The following AOC2 variants were observed in gnomAD, a reference collection of about 807,000 sequenced individuals.
AOC2 encodes the protein amine oxidase [copper-containing] 2.
A neutral mutation model predicts 53.8 loss-of-function variants in AOC2; 57 were observed. The observed-to-expected ratio is 1.06, with a 90% CI of 0.86 to 1.32. The LOEUF is 1.32. Ranked by LOEUF, AOC2 falls within the 40% of genes most tolerant of loss-of-function variation. AOC2 has a pLI of 0.00. For missense variants in AOC2, 1,008 were observed against 957.2 expected, an observed-to-expected ratio of 1.05 and a Z score of -0.70; for synonymous variants, 404 against 399.0, an observed-to-expected ratio of 1.01 and a Z score of -0.15.
chr17:42,850,469 A>C lies in AOC2; in HGVS notation c.*121A>C. ...TTCCCACCCCCTCAATGTTCCTCTC[A>C]CACGAAACCCCCATCAGTCCCTTTG... On this transcript the variant is annotated 3_prime_UTR_variant, in exon 4 of 4. Transcript: ENST00000253799. 6.6e-6 allele frequency: 8 copies of C among 1,206,316 alleles called. No homozygotes were observed. Among genetic ancestry groups the C allele is most frequent in the Non-Finnish European group, 9.1e-6 (8 of 882,764 alleles). The allele number at this position is 1,206,316 out of a possible 1,614,324, so 74.7% of individuals were successfully genotyped here. A position where few individuals can be genotyped will look rare whatever the true frequency, so the allele number is the denominator to read the frequency against.
chr17:42,848,065 CTT>C (rs61450612), intron 1 of AOC2, among the ~76,000 whole-genome samples: 22 of 101,334 alleles, frequency 2.2e-4, no homozygotes, highest in African/African-American at 8.0e-4. Context: ...CATGCCCGGC[CTT>C]TTTTTTTTTT....
At position 42,850,225 on chromosome 17, in the gene AOC2, T is replaced by A; in HGVS notation, c.2148T>A (p.Pro716=). ...FFDEDPSIFS[P]GSVYFEKGQD... is the part of the protein sequence containing the mutation. Reference sequence around the variant, plus strand: ...ATGAGGACCCCTCCATCTTCTCCCCTGGCAGTGTCTACTTTGAGAAGGGCC... The same window carrying A: ...ATGAGGACCCCTCCATCTTCTCCCCAGGCAGTGTCTACTTTGAGAAGGGCC... The change falls in exon 4 of 4, where the codon CCT becomes CCA. Residue 716 remains proline (P), a synonymous_variant. Coordinates refer to ENST00000253799, the MANE Select transcript of AOC2 (RefSeq NM_009590.4). 1 of 1,614,204 alleles carries A rather than the reference T, an allele frequency of 6.2e-7. No individual in the cohort carries two copies.
chr17:42,844,615 T>C lies in AOC2; in HGVS notation c.-12T>C. On this transcript the variant is annotated 5_prime_UTR_variant, in exon 1 of 4. Transcript: ENST00000253799. ...GCTGTTAGAATTCTGATTTCAGCTC[T>C]CAGCATCCACCATGCATCTCAAGAT... The C allele has an allele frequency of 6.3e-7, 1 of 1,594,962 alleles. No homozygotes were observed. Among genetic ancestry groups the C allele is most frequent in the Non-Finnish European group, 8.6e-7 (1 of 1,166,078 alleles).
rs748742531 is a variant in AOC2, at chr17:42,849,711, A to G, written c.1985A>G (p.Asn662Ser). 4.3e-6 allele frequency: 7 copies of G among 1,614,098 alleles called. No individual in the cohort carries two copies. The African/African-American group carries it at 8.0e-5, about 18-fold the overall frequency. The change falls in exon 3 of 4, where the codon AAT becomes AGT. Residue 662 changes from asparagine (N) to serine (S), a missense_variant. Asn to Ser is a conservative substitution (Grantham distance 46, BLOSUM62 1). Transcript: ENST00000253799. ...GTTACCTTTGCTGACTTCATCAACAATGAAACCCTCTTAGGAGAGGTTGGT... is the reference window on the plus strand; with the variant it reads ...GTTACCTTTGCTGACTTCATCAACAGTGAAACCCTCTTAGGAGAGGTTGGT... ...PTVTFADFINNETLLGEDLVA... is the reference protein window; with the variant it reads ...PTVTFADFINSETLLGEDLVA...
In AOC2 at chr17:42,849,624, G is replaced by A; in HGVS notation, c.1898G>A (p.Arg633Lys). 6.2e-7 allele frequency: 1 copy of A among 1,614,258 alleles called. No individual in the cohort carries two copies. ...WGRYQLVVTQRKEEESQSSSI... is the reference protein window; with the variant it reads ...WGRYQLVVTQKKEEESQSSSI... ...AGATACCAGCTTGTGGTGACCCAGA[G>A]AAAGGAGGAGGAGTCACAGAGCAGT... The change falls in exon 3 of 4, where the codon AGA (arginine) becomes AAA (lysine). Residue 633 changes from arginine (R) to lysine (K), a missense_variant. By Grantham distance (26) the Arg-to-Lys change is conservative. Coordinates refer to ENST00000253799, the MANE Select transcript of AOC2 (RefSeq NM_009590.4).
chr17:42,847,083 GTC>G (rs367656847), intron 1 of AOC2, among the ~76,000 whole-genome samples: 3 of 152,232 alleles, frequency 2.0e-5, no homozygotes, highest in African/African-American at 7.2e-5. Flanking sequence ...GCCTGCGTGT[GTC>G]TCTGTGCATG....
chr17:42,849,913 C>T (rs1026706005), intron 3 of AOC2, among the ~76,000 whole-genome samples, 169 bp from the exon 4 acceptor site: 18 of 152,192 alleles, frequency 1.2e-4, no homozygotes, highest in African/African-American at 4.1e-4. Flanking sequence ...GGGACACTGG[C>T]TCCCCCCTCT....
intron 2 of AOC2, 91 bp from the exon 3 acceptor site, chr17:42,849,510 T>C (rs558219103): frequency 5.1e-5 from 82 of 1,598,414 alleles, no homozygotes; most frequent in Non-Finnish European, 6.8e-5. Flanking sequence ...CGGTGGGAAA[T>C]GGTCTCACAC....
Position 42,845,539 on chromosome 17 carries a change from C to T in AOC2, c.913C>T (p.Leu305Phe), listed in dbSNP as rs749213169. Residue 305 changes from leucine (L) to phenylalanine (F), a missense_variant, in exon 1 of 4, where the codon CTT becomes TTT. Coordinates refer to ENST00000253799, the MANE Select transcript of AOC2 (RefSeq NM_009590.4). ...GAGGTCTCGGAACTCTCCAGGTCCT[C>T]TTCCCCCTCTTCAGTTCTCGCCCCA... ...SLRSRNSPGP[L>F]PPLQFSPQGS... The T allele has an allele frequency of 2.5e-6, 4 of 1,614,108 alleles. No homozygotes were observed. In the African/African-American group the frequency reaches 4.0e-5, roughly 16 times the overall value.
Position 42,849,666 on chromosome 17 carries a change from A to G in AOC2, c.1940A>G (p.Asn647Ser). 4 of 1,614,130 alleles carry G rather than the reference A, an allele frequency of 2.5e-6. No homozygotes were observed. The highest frequency in any genetic ancestry group is 2.2e-5 in the South Asian group (2 of 91,088). ...CAGAGCAGTAGCATCTATCACCAGA[A>G]TGACATCTGGACACCCACAGTTACC... ...ESQSSSIYHQ[N>S]DIWTPTVTFA... is the part of the protein sequence containing the mutation. Residue 647 changes from asparagine (N) to serine (S), a missense_variant, in exon 3 of 4, where the codon AAT (asparagine) becomes AGT (serine). By Grantham distance (46) the Asn-to-Ser change is conservative. Transcript: ENST00000253799.
At chr17:42,848,502 G>A (rs2055615367) in intron 1 of AOC2, among the ~76,000 whole-genome samples, 1 of 144,674 alleles carries the variant, frequency 6.9e-6, no homozygotes, top group Admixed American at 6.9e-5. Context: ...CTTCAAGTGT[G>A]GCTAGTGTGA....
rs779566614 is a variant in AOC2, at chr17:42,844,710, A to G, written c.84A>G (p.Pro28=). 1.9e-6 allele frequency: 3 copies of G among 1,614,168 alleles called. No individual in the cohort carries two copies. Among genetic ancestry groups the G allele is most frequent in the African/African-American group, 1.3e-5 (1 of 75,038 alleles). The stretch of plus-strand genomic sequence containing the variant: ...TGGCCTATGTTTTGCTGACCAGCCC[A>G]GGTGGTTCCAGCCAGCCTCCCCACT... ...FALAYVLLTS[P]GGSSQPPHCP... is the part of the protein sequence containing the mutation. The change falls in exon 1 of 4, where the codon CCA becomes CCG. Residue 28 remains proline, a synonymous_variant. Transcript: ENST00000253799.
intron 1 of AOC2, among the ~76,000 whole-genome samples, chr17:42,848,546 C>CGTATATATATATATATACGT (rs1405077172): frequency 8.5e-6 from 1 of 117,674 alleles, no homozygotes; most frequent in African/African-American, 3.9e-5. Flanking sequence ...TATATATATA[C>CGTATATATATATATATACGT]ATATATATAT....
intron 3 of AOC2, 50 bp downstream of exon 3, chr17:42,849,780 T>A (rs762456743): frequency 6.2e-7 from 1 of 1,612,032 alleles, no homozygotes; most frequent in Non-Finnish European, 8.5e-7. Flanking sequence ...GCATGGCATC[T>A]TGGCTGCCCA....
At position 42,847,607 on chromosome 17, in the gene AOC2, G is replaced by A. The variant is rs116092904; in HGVS notation, c.1588+1393G>A. On this transcript the variant is annotated intron_variant, in intron 1 of 3. Coordinates refer to ENST00000253799, the MANE Select transcript of AOC2 (RefSeq NM_009590.4). The stretch of plus-strand genomic sequence containing the variant: ...TCAGAGCTGGGAGGAGTATGCAGGG[G>A]ACCATGGGAAGGGATTGGGTTTTCT... Among the ~76,000 whole-genome samples, 980 of 152,186 alleles carry A rather than the reference G, an allele frequency of 6.4e-3. 11 individuals carry two copies. Among genetic ancestry groups the A allele is most frequent in the African/African-American group, 0.022 (908 of 41,504 alleles).
At chr17:42,848,542 TATAC>T (rs1166027127) in intron 1 of AOC2, among the ~76,000 whole-genome samples, 55 of 135,956 alleles carry the variant, frequency 4.0e-4, no homozygotes, top group African/African-American at 1.2e-3. Context: ...TATATATATA[TATAC>T]ATATATATAT....
rs1329242515 is a variant in AOC2, at chr17:42,845,743, A to G, written c.1117A>G (p.Thr373Ala). Residue 373 changes from threonine to alanine, a missense_variant, in exon 1 of 4, where the codon ACG becomes GCG. Coordinates refer to ENST00000253799, the MANE Select transcript of AOC2 (RefSeq NM_009590.4). ...TATCTATGGTGCCGATTCACCCAAGACGATGCTGACTCGCTATTTGGATAG... is the reference window on the plus strand; with the variant it reads ...TATCTATGGTGCCGATTCACCCAAGGCGATGCTGACTCGCTATTTGGATAG... Reference protein sequence around the residue: ...VSIYGADSPKTMLTRYLDSSF... With the variant: ...VSIYGADSPKAMLTRYLDSSF... 6.2e-7 allele frequency: 1 copy of G among 1,613,990 alleles called. No homozygotes were observed. Among genetic ancestry groups the G allele is most frequent in the Non-Finnish European group, 8.5e-7 (1 of 1,179,984 alleles).
At chr17:42,847,066 C>T (rs959999237) in intron 1 of AOC2, among the ~76,000 whole-genome samples, 4 of 152,200 alleles carry the variant, frequency 2.6e-5, no homozygotes, top group Non-Finnish European at 4.4e-5. Flanking sequence ...AGACATGGCA[C>T]GTGCGTGCCT....
Position 42,850,586 on chromosome 17 carries a change from C to T in AOC2, c.*238C>T, listed in dbSNP as rs2055647876. ...GAAAAATATCACAAATCCTACTACT[C>T]AGAAATAGGTGGTCACATTACATCA... On this transcript the variant is annotated 3_prime_UTR_variant, in exon 4 of 4. Coordinates refer to ENST00000253799, the MANE Select transcript of AOC2 (RefSeq NM_009590.4). 1 of 431,088 alleles carries T rather than the reference C, an allele frequency of 2.3e-6. No homozygotes were observed. The highest frequency in any genetic ancestry group is 2.0e-5 in the African/African-American group (1 of 49,650). 26.7% of individuals were successfully genotyped at this position (431,088 alleles called of 1,614,324 possible).
Sources: allele counts gnomAD v4.1 joint callset (sites outside exome capture counted in the v4.1 genomes callset), GRCh38; gene constraint gnomAD v4.1.1; transcripts MANE v1.5; gene names NCBI Gene and HGNC (gene_info 2026-07-23, HGNC 2026-07-21).